Variants in FANCC observed in about 807,000 individuals in gnomAD.
FANCC encodes the protein FA complementation group C.
Under a neutral mutation model 71.3 loss-of-function variants are expected in FANCC, and 55 were observed. The ratio of observed to expected loss-of-function variants is 0.77; its 90% confidence interval spans 0.62 to 0.97. The LOEUF is 0.97. Among genes scored for constraint, FANCC ranks in the 50% least tolerant of loss-of-function variants. The pLI is 0.00. For synonymous variants in FANCC, 275 were observed against 244.9 expected (o/e 1.12, Z -1.15); for missense variants, 678 against 670.9 (o/e 1.01, Z -0.12).
chr9:95,238,316 T>C (rs752762288), intron 4 of FANCC, among the ~76,000 whole-genome samples: 4 of 152,256 alleles, frequency 2.6e-5, no homozygotes, highest in Non-Finnish European at 5.9e-5. Context: ...CTGCTCTCTG[T>C]ACATTTCCAG....
At chr9:95,186,590 G>C (rs1826727937) in intron 4 of FANCC, 2 of 152,218 alleles carry the variant, frequency 1.3e-5, no homozygotes, top group South Asian at 2.1e-4. Flanking sequence ...AACAGTCCAG[G>C]AGTTACTGTC....
chr9:95,246,961 T>G (rs1023310531), intron 3 of FANCC, among the ~76,000 whole-genome samples: 6 of 152,160 alleles, frequency 3.9e-5, no homozygotes, highest in African/African-American at 1.2e-4. Flanking sequence ...AAGCAGCCAA[T>G]GTCAAAGGCA....
chr9:95,102,171 A>G (rs1024600142), intron 14 of FANCC, among the ~76,000 whole-genome samples: 1 of 152,260 alleles, frequency 6.6e-6, no homozygotes, highest in Admixed American at 6.5e-5. Flanking sequence ...AATGCCAGTC[A>G]CAAGTTGTGG....
At chr9:95,114,471 T>A in intron 12 of FANCC, 158 bp downstream of exon 12, 2 of 750,064 alleles carry the variant, frequency 2.7e-6, no homozygotes, top group Non-Finnish European at 4.8e-6. Flanking sequence ...CGTGCAGCCA[T>A]GCGCTTCCTC....
chr9:95,238,774 C>T (rs779863488), intron 4 of FANCC, among the ~76,000 whole-genome samples: 35 of 152,098 alleles, frequency 2.3e-4, no homozygotes, highest in South Asian at 4.1e-4. Flanking sequence ...ACCATGTTAG[C>T]CAGGATGGTT....
intron 5 of FANCC, 22 bp downstream of exon 5, chr9:95,172,015 G>A: frequency 2.1e-6 from 3 of 1,404,268 alleles, no homozygotes; most frequent in Non-Finnish European, 3.0e-6. Flanking sequence ...CATTTCAAAA[G>A]TGATAAATTT....
intron 1 of FANCC, among the ~76,000 whole-genome samples, chr9:95,263,623 A>G (rs1465180197): frequency 6.6e-6 from 1 of 152,060 alleles, no homozygotes; most frequent in Non-Finnish European, 1.5e-5. Context: ...CACACATTCC[A>G]TTAGCTGTCA....
At chr9:95,237,780 G>A (rs1475277264) in intron 4 of FANCC, among the ~76,000 whole-genome samples, 1 of 152,050 alleles carries the variant, frequency 6.6e-6, no homozygotes, top group African/African-American at 2.4e-5. Context: ...GATACAACAC[G>A]TAGATATAAG....
intron 1 of FANCC, among the ~76,000 whole-genome samples, chr9:95,282,653 A>G (rs1421466024): frequency 6.6e-6 from 1 of 152,206 alleles, no homozygotes; most frequent in Non-Finnish European, 1.5e-5. Flanking sequence ...ACTGCACATC[A>G]ATCATTTTCC....
intron 11 of FANCC, among the ~76,000 whole-genome samples, chr9:95,115,868 A>G (rs1377044367): frequency 1.3e-5 from 2 of 152,220 alleles, no homozygotes; most frequent in African/African-American, 2.4e-5. Context: ...CAGGGCTCGT[A>G]AGTGATCCTC....
At chr9:95,187,052 T>C (rs9792481) in intron 4 of FANCC, among the ~76,000 whole-genome samples, 5,572 of 152,156 alleles carry the variant, frequency 0.037, 300 homozygotes, top group African/African-American at 0.12. Flanking sequence ...GGATTACAGG[T>C]GCGAGCCACC....
intron 1 of FANCC, among the ~76,000 whole-genome samples, chr9:95,272,808 G>GGCA (rs764586316): frequency 4.7e-4 from 71 of 152,300 alleles, no homozygotes; most frequent in Non-Finnish European, 8.5e-4. Flanking sequence ...GTGAGGGATA[G>GGCA]GCATATTTAT....
At chr9:95,224,247 T>C (rs1829467330) in intron 4 of FANCC, among the ~76,000 whole-genome samples, 1 of 152,170 alleles carries the variant, frequency 6.6e-6, no homozygotes. Context: ...TCACAGATTC[T>C]AGAGCTAAAA....
chr9:95,109,366 G>A (rs1478318262), intron 13 of FANCC, among the ~76,000 whole-genome samples: 2 of 152,120 alleles, frequency 1.3e-5, no homozygotes, highest in Non-Finnish European at 2.9e-5. Flanking sequence ...TTATACATAA[G>A]CCTTTGCATG....
intron 7 of FANCC, chr9:95,142,428 CTTTTTA>C (rs909346819): frequency 3.3e-5 from 5 of 152,534 alleles, no homozygotes; most frequent in African/African-American, 1.2e-4. Context: ...CTGTGCCTGT[CTTTTTA>C]TTTTTATTTT....
At chr9:95,284,858 TCTCA>T (rs920004227) in intron 1 of FANCC, among the ~76,000 whole-genome samples, 1 of 130,226 alleles carries the variant, frequency 7.7e-6, no homozygotes, top group African/African-American at 3.2e-5. Flanking sequence ...GACTCCTCTC[TCTCA>T]CACACACACA....
At chr9:95,295,953 G>A (rs1396574900) in intron 1 of FANCC, among the ~76,000 whole-genome samples, 1 of 152,108 alleles carries the variant, frequency 6.6e-6, no homozygotes. Flanking sequence ...TGTACTAAAA[G>A]AGTAGAGCTT....
At chr9:95,123,879 C>A in intron 10 of FANCC, 1 of 539,566 alleles carries the variant, frequency 1.9e-6, no homozygotes, top group South Asian at 1.6e-5. Context: ...GGAGTTGAGT[C>A]CTTAAAGTCT....
At chr9:95,273,639 T>C (rs1263132091) in intron 1 of FANCC, among the ~76,000 whole-genome samples, 3 of 152,222 alleles carry the variant, frequency 2.0e-5, no homozygotes, top group Non-Finnish European at 4.4e-5. Flanking sequence ...TGCACGTCTT[T>C]TATGCTGTAG....
Sources: allele counts gnomAD v4.1 joint callset (sites outside exome capture counted in the v4.1 genomes callset), GRCh38; gene constraint gnomAD v4.1.1; transcripts MANE v1.5; gene names NCBI Gene and HGNC (gene_info 2026-07-23, HGNC 2026-07-21).